KMT2C: variants seen among roughly 807,000 people sequenced by gnomAD.
The protein encoded by KMT2C is lysine methyltransferase 2C, also known as histone-lysine N-methyltransferase 2C.
Under a neutral mutation model 507.9 loss-of-function variants are expected in KMT2C, and 88 were observed. The observed-to-expected ratio is 0.17, with a 90% CI of 0.15 to 0.21. The LOEUF is 0.21. Among genes scored for constraint, KMT2C ranks in the 10% least tolerant of loss-of-function variants. The probability of loss-of-function intolerance (pLI) is 1.00; values close to 1 mark genes in which losing one functional copy is unlikely to be tolerated. For synonymous variants in KMT2C, 2,049 were observed against 2,080.8 expected, an observed-to-expected ratio of 0.98 and a Z score of 0.42; for missense variants, 4,954 against 5,957.8, an observed-to-expected ratio of 0.83 and a Z score of 5.55.
Position 152,185,603 on chromosome 7 carries a change from G to C in KMT2C, c.5037C>G (p.Ala1679=). 6.2e-7 allele frequency: 1 copy of C among 1,613,488 alleles called. No individual in the cohort carries two copies. Among genetic ancestry groups the C allele is most frequent in the Non-Finnish European group, 8.5e-7 (1 of 1,179,832 alleles). The change falls in exon 34 of 59, where the codon GCC becomes GCG. Residue 1679 remains alanine, a synonymous_variant. Coordinates refer to ENST00000262189, the MANE Select transcript of KMT2C (RefSeq NM_170606.3). ...PDWTTRVKQI[A]KLWRKASSQE... is the part of the protein sequence containing the mutation. ...GTGAGCTTGCTTTTCTCCACAATTT[G>C]GCAATTTGCTTCACTCTAGTAGTCC...
At chr7:152,380,311 TA>T (rs2097362542) in intron 1 of KMT2C, among the ~76,000 whole-genome samples, 2 of 151,322 alleles carry the variant, frequency 1.3e-5, no homozygotes. Context: ...CTCACACCTA[TA>T]ATCCCAGCAC....
chr7:152,398,102 GAC>G (rs2097548174), intron 1 of KMT2C, among the ~76,000 whole-genome samples: 1 of 152,074 alleles, frequency 6.6e-6, no homozygotes, highest in African/African-American at 2.4e-5. Flanking sequence ...ACCATTAACA[GAC>G]ACACTCAGTA....
intron 31 of KMT2C, among the ~76,000 whole-genome samples, chr7:152,189,440 A>C (rs1563323500): frequency 6.6e-6 from 1 of 152,314 alleles, no homozygotes; most frequent in East Asian, 1.9e-4. Flanking sequence ...AGAGTTGACC[A>C]ATACTTGGTA....
At chr7:152,171,379 C>T (rs771066371) in intron 39 of KMT2C, 37 bp from the exon 40 acceptor site, 60 of 1,342,124 alleles carry the variant, frequency 4.5e-5, no homozygotes, top group African/African-American at 1.6e-4. Flanking sequence ...AAGTGATGAG[C>T]GTTTAGAAAT....
At chr7:152,290,599 C>T (rs1053753912) in intron 6 of KMT2C, among the ~76,000 whole-genome samples, 4 of 151,652 alleles carry the variant, frequency 2.6e-5, no homozygotes, top group Admixed American at 2.0e-4. Context: ...TAAACCACTG[C>T]GCCCGGCCCA....
chr7:152,212,843 C>T (rs2129141414), intron 23 of KMT2C, among the ~76,000 whole-genome samples: 1 of 152,336 alleles, frequency 6.6e-6, no homozygotes, highest in African/African-American at 2.4e-5. Flanking sequence ...GAGTTCAAGA[C>T]CAGCCTGGCC....
At chr7:152,385,611 CAAAAAAAAAAAAAAAAAAAAAAAA>C (rs1160527130) in intron 1 of KMT2C, among the ~76,000 whole-genome samples, 1 of 19,442 alleles carries the variant, frequency 5.1e-5, no homozygotes, top group Admixed American at 1.1e-3. Flanking sequence ...GACTCCGTCT[CAAAAAAAAAAAAAAAAAAAAAAAA>C]AAAAAAAAAA....
At chr7:152,282,858 T>C (rs1444862222) in intron 6 of KMT2C, among the ~76,000 whole-genome samples, 1 of 152,100 alleles carries the variant, frequency 6.6e-6, no homozygotes, top group Non-Finnish European at 1.5e-5. Context: ...CTTCAACATA[T>C]TTTTAGAAAA....
chr7:152,412,526 T>C (rs1285890571), intron 1 of KMT2C, among the ~76,000 whole-genome samples: 1 of 152,228 alleles, frequency 6.6e-6, no homozygotes, highest in Non-Finnish European at 1.5e-5. Flanking sequence ...TCTATAATTA[T>C]AGACAATTAT....
At chr7:152,322,233 A>G (rs2096779452) in intron 3 of KMT2C, among the ~76,000 whole-genome samples, 1 of 151,734 alleles carries the variant, frequency 6.6e-6, no homozygotes, top group Non-Finnish European at 1.5e-5. Flanking sequence ...GGTGGTAGTG[A>G]ACACCTGTAG....
chr7:152,335,807 A>G (rs1208054733), intron 2 of KMT2C, among the ~76,000 whole-genome samples: 4 of 152,164 alleles, frequency 2.6e-5, no homozygotes, highest in Non-Finnish European at 5.9e-5. Flanking sequence ...GAAAAGTTAA[A>G]CGTTAATGTT....
chr7:152,237,521 G>A (rs536007785), intron 15 of KMT2C, among the ~76,000 whole-genome samples: 1 of 152,184 alleles, frequency 6.6e-6, no homozygotes, highest in African/African-American at 2.4e-5. Context: ...TTTTTGAGAT[G>A]GAGTCTCGCT....
In KMT2C at chr7:152,375,818, G is replaced by GAT. The variant is rs955821195; in HGVS notation, c.162-17145_162-17144dup. ...TCTGTGATAGTGATCTACGATCAGT[G>GAT]ATATATATATATTTTTTCCTTTGGT... On this transcript the variant is annotated intron_variant, in intron 1 of 58. Coordinates refer to ENST00000262189, the MANE Select transcript of KMT2C (RefSeq NM_170606.3). 4.6e-5 allele frequency among the ~76,000 whole-genome samples: 7 copies of GAT among 151,926 alleles called. No individual in the cohort carries two copies. In the East Asian group the frequency reaches 9.7e-4, roughly 21 times the overall value.
chr7:152,219,836 T>C (rs1022973246), intron 23 of KMT2C, among the ~76,000 whole-genome samples: 6 of 151,936 alleles, frequency 3.9e-5, no homozygotes, highest in Non-Finnish European at 7.4e-5. Flanking sequence ...ACCCCATCTC[T>C]ACAAAAAAAT....
chr7:152,313,622 T>C (rs1031923526), intron 4 of KMT2C, among the ~76,000 whole-genome samples: 2 of 152,164 alleles, frequency 1.3e-5, no homozygotes, highest in African/African-American at 4.8e-5. Context: ...TGTAAAATTG[T>C]TTTTTAAATT....
chr7:152,277,744 T>C (rs113584389), intron 6 of KMT2C, among the ~76,000 whole-genome samples: 1 of 152,110 alleles, frequency 6.6e-6, no homozygotes, highest in Admixed American at 6.5e-5. Context: ...GTTCTCATTA[T>C]CAATACTGAA....
intron 5 of KMT2C, among the ~76,000 whole-genome samples, 156 bp from the exon 6 acceptor site, chr7:152,310,231 T>C (rs1444012035): frequency 1.3e-5 from 2 of 152,226 alleles, no homozygotes; most frequent in Non-Finnish European, 2.9e-5. Flanking sequence ...TCTAAAAATG[T>C]GGACCAACCA....
At chr7:152,195,498 G>A (rs573660669) in intron 28 of KMT2C, 44 of 976,196 alleles carry the variant, frequency 4.5e-5, no homozygotes, top group Admixed American at 3.7e-4. Context: ...CTAGTCAGCC[G>A]TCATCCATTG....
intron 9 of KMT2C, among the ~76,000 whole-genome samples, chr7:152,256,149 G>A (rs936175448): frequency 1.3e-5 from 2 of 152,078 alleles, no homozygotes; most frequent in Admixed American, 6.5e-5. Context: ...CAGCCTGAGC[G>A]ACAGAGTGAA....
Sources: gnomAD v4.1 joint callset for allele counts (sites outside exome capture counted in the v4.1 genomes callset) on GRCh38, gnomAD v4.1.1 for gene constraint, MANE v1.5 for transcripts, NCBI Gene and HGNC (gene_info 2026-07-23, HGNC 2026-07-21) for gene names.